Variants in RBFOX1 observed in about 807,000 individuals in gnomAD.
RBFOX1 encodes RNA binding protein fox-1 homolog 1.
RBFOX1 carries 8 observed loss-of-function variants against 57.7 expected under a neutral mutation model. That is an observed-to-expected ratio of 0.14 (90% CI 0.08 to 0.25). RBFOX1 has a LOEUF of 0.25. Ranked by LOEUF, RBFOX1 falls within the 10% of genes least tolerant of loss-of-function variation. The probability of loss-of-function intolerance (pLI) is 1.00; values close to 1 mark genes in which losing one functional copy is unlikely to be tolerated. For synonymous variants in RBFOX1, 326 were observed against 222.4 expected (o/e 1.47, Z -4.15); for missense variants, 611 against 548.5 (o/e 1.11, Z -1.14).
At chr16:5,389,008 G>A (rs913185801) in intron 1 of RBFOX1, among the ~76,000 whole-genome samples, 19 of 151,342 alleles carry the variant, frequency 1.3e-4, no homozygotes, top group African/African-American at 3.1e-4. Context: ...TGGCTAACAC[G>A]GTGAAACCCC....
At chr16:6,275,854 C>T (rs966115996) in intron 1 of RBFOX1, among the ~76,000 whole-genome samples, 1 of 152,156 alleles carries the variant, frequency 6.6e-6, no homozygotes, top group Non-Finnish European at 1.5e-5. Context: ...ATAATATTTA[C>T]CAAATATTTT....
intron 11 of RBFOX1, among the ~76,000 whole-genome samples, chr16:7,631,990 A>T (rs944511539): frequency 1.3e-5 from 2 of 151,922 alleles, no homozygotes; most frequent in African/African-American, 4.8e-5. Flanking sequence ...GCTCACTGCA[A>T]CCTCCGCCTC....
intron 4 of RBFOX1, among the ~76,000 whole-genome samples, chr16:7,457,357 C>G (rs974390201): frequency 1.3e-5 from 2 of 152,170 alleles, no homozygotes; most frequent in African/African-American, 4.8e-5. Context: ...GTTCTGAATT[C>G]CAGAATGACA....
intron 4 of RBFOX1, among the ~76,000 whole-genome samples, chr16:7,472,086 C>G (rs936426062): frequency 1.3e-5 from 2 of 152,144 alleles, no homozygotes; most frequent in Non-Finnish European, 2.9e-5. Flanking sequence ...TTCAGCATAT[C>G]CTGCCTGGTA....
intron 4 of RBFOX1, among the ~76,000 whole-genome samples, chr16:7,391,013 C>T (rs148594858): frequency 1.8e-4 from 27 of 152,200 alleles, no homozygotes; most frequent in African/African-American, 5.1e-4. Context: ...TGCTGACCCT[C>T]GTGCTTTTTG....
At chr16:7,179,973 C>T (rs1224169580) in intron 4 of RBFOX1, among the ~76,000 whole-genome samples, 1 of 151,898 alleles carries the variant, frequency 6.6e-6, no homozygotes, top group African/African-American at 2.4e-5. Context: ...GAACTCCTGA[C>T]CTCAAGTGAT....
At chr16:7,565,831 A>G (rs1296704832) in intron 5 of RBFOX1, among the ~76,000 whole-genome samples, 1 of 152,152 alleles carries the variant, frequency 6.6e-6, no homozygotes, top group Non-Finnish European at 1.5e-5. Flanking sequence ...CCTGTAGGAA[A>G]GGAAAGAGGC....
intron 3 of RBFOX1, among the ~76,000 whole-genome samples, chr16:5,610,922 G>A (rs150611550): frequency 7.4e-4 from 113 of 152,142 alleles, no homozygotes; most frequent in African/African-American, 2.6e-3. Flanking sequence ...TCCCTGGCTG[G>A]CTGAGCATTT....
At chr16:5,937,875 A>G (rs1040035919) in intron 4 of RBFOX1, among the ~76,000 whole-genome samples, 9 of 151,614 alleles carry the variant, frequency 5.9e-5, no homozygotes, top group African/African-American at 1.9e-4. Flanking sequence ...ATGCTTACAT[A>G]GATATATATT....
At chr16:5,639,766 C>G (rs1243834684) in intron 3 of RBFOX1, among the ~76,000 whole-genome samples, 2 of 152,194 alleles carry the variant, frequency 1.3e-5, no homozygotes, top group African/African-American at 2.4e-5. Flanking sequence ...ACTGGAGTGT[C>G]TGGCAAAGAG....
At position 7,361,414 on chromosome 16, in the gene RBFOX1, G is replaced by A. The variant is rs148443969; in HGVS notation, c.28-156733G>A. On this transcript the variant is annotated intron_variant, in intron 4 of 15. Coordinates refer to ENST00000550418, the MANE Select transcript of RBFOX1 (RefSeq NM_018723.4). ...ATTTTGCATCAAAGAACGAGGCTGC[G>A]GCACTTCCCTAAAGCTTGAAAGAAC... is the stretch of plus-strand genomic sequence containing the variant. Among the ~76,000 whole-genome samples, 171 of 152,240 alleles carry A rather than the reference G, an allele frequency of 1.1e-3. 1 individual carries two copies. The highest frequency in any genetic ancestry group is 4.0e-3 in the African/African-American group (165 of 41,542).
chr16:7,017,339 G>A (rs761266087), intron 3 of RBFOX1, among the ~76,000 whole-genome samples: 16 of 152,128 alleles, frequency 1.1e-4, no homozygotes, highest in South Asian at 2.1e-4. Context: ...TTCTATCTTG[G>A]CGGGTGCATA....
intron 3 of RBFOX1, among the ~76,000 whole-genome samples, chr16:5,793,022 T>C (rs2054753055): frequency 6.6e-6 from 1 of 152,206 alleles, no homozygotes. Context: ...TACATAGAAA[T>C]GAACCCCTGC....
chr16:7,246,846 T>G (rs985192280), intron 4 of RBFOX1, among the ~76,000 whole-genome samples: 1 of 152,026 alleles, frequency 6.6e-6, no homozygotes, highest in African/African-American at 2.4e-5. Context: ...GCATAAAGGC[T>G]TCAGAGTCAA....
At chr16:6,856,050 C>T (rs971673845) in intron 3 of RBFOX1, among the ~76,000 whole-genome samples, 18 of 152,002 alleles carry the variant, frequency 1.2e-4, no homozygotes, top group African/African-American at 4.4e-4. Flanking sequence ...TGGTATATGT[C>T]TCTCTGGGTT....
At chr16:7,498,647 T>C (rs2069528084) in intron 4 of RBFOX1, among the ~76,000 whole-genome samples, 1 of 152,216 alleles carries the variant, frequency 6.6e-6, no homozygotes, top group Non-Finnish European at 1.5e-5. Context: ...TTCTCTTGTA[T>C]GACGTCTCTG....
chr16:7,549,576 T>G (rs1252743617), intron 5 of RBFOX1, among the ~76,000 whole-genome samples: 1 of 152,164 alleles, frequency 6.6e-6, no homozygotes, highest in Non-Finnish European at 1.5e-5. Flanking sequence ...GTAGGGAAGC[T>G]GACAGTGAAA....
chr16:5,500,886 C>A (rs2043171063), intron 2 of RBFOX1, among the ~76,000 whole-genome samples: 1 of 152,276 alleles, frequency 6.6e-6, no homozygotes, highest in Admixed American at 6.5e-5. Flanking sequence ...ACATAGATCC[C>A]AAACTCCAGA....
At chr16:6,005,673 T>C (rs1437195794) in intron 4 of RBFOX1, among the ~76,000 whole-genome samples, 1 of 152,204 alleles carries the variant, frequency 6.6e-6, no homozygotes, top group Non-Finnish European at 1.5e-5. Context: ...AAAATGTCTC[T>C]AGACATTGCC....
Sources: allele counts gnomAD v4.1 joint callset (sites outside exome capture counted in the v4.1 genomes callset), GRCh38; gene constraint gnomAD v4.1.1; transcripts MANE v1.5; gene names NCBI Gene and HGNC (gene_info 2026-07-23, HGNC 2026-07-21).